Variants in PCDHGA2 observed in about 807,000 individuals in gnomAD.
The protein encoded by PCDHGA2 is protocadherin gamma subfamily A, 2, also known as protocadherin gamma-A2.
In PCDHGA2, 40 loss-of-function variants were observed where a neutral mutation model predicts 59.2. The ratio of observed to expected loss-of-function variants is 0.68; its 90% CI spans 0.52 to 0.88. The LOEUF is 0.88. Ranked by LOEUF, PCDHGA2 falls within the 40% of genes least tolerant of loss-of-function variation. The probability of loss-of-function intolerance (pLI) is 0.00; values close to 1 mark genes in which losing one functional copy is unlikely to be tolerated. For missense variants in PCDHGA2, 1,226 were observed against 1,204.0 expected (o/e 1.02, Z -0.27); for synonymous variants, 560 against 526.0 (o/e 1.06, Z -0.89).
rs2099698809 is a variant in PCDHGA2 at position 141,490,343 on chromosome 5, T to C, written c.2425-4464T>C. On this transcript the variant is annotated intron_variant, in intron 1 of 3. Transcript: ENST00000394576. This position sits in a 1 kb window ranked among gnomAD's most constrained non-coding sequence, Gnocchi z 5.4. ...CTAGAGAGCACACCAGTGGGCACAG[T>C]AGTGGGGTTGTTTAATGTGCGAGAC... The C allele has an allele frequency of 6.2e-7, 1 of 1,614,018 alleles. No individual in the cohort carries two copies. Among genetic ancestry groups the C allele is most frequent in the Admixed American group, 1.7e-5 (1 of 60,006 alleles).
chr5:141,368,590 A>G (rs914366988), intron 1 of PCDHGA2, among the ~76,000 whole-genome samples: 8 of 152,142 alleles, frequency 5.3e-5, no homozygotes, highest in African/African-American at 9.7e-5. Context: ...GGTGTTTGGG[A>G]AAAAAGTAAA....
At position 141,341,242 on chromosome 5, in the gene PCDHGA2, C is replaced by T. The variant is rs1422024298; in HGVS notation, c.2271C>T (p.Val757=). The change falls in exon 1 of 4, where the codon GTC becomes GTT. Residue 757 remains valine (V), a synonymous_variant. Coordinates refer to ENST00000394576, the MANE Select transcript of PCDHGA2 (RefSeq NM_018915.4). ...TCCTGCAGACCTATTCCCACGAGGT[C>T]TCCCTCACTGCGGACTCGCGGAAGA... ...RAFLQTYSHE[V]SLTADSRKSH... is the part of the protein sequence containing the mutation. 6.2e-7 allele frequency: 1 copy of T among 1,614,250 alleles called. No homozygotes were observed. The highest frequency in any genetic ancestry group is 8.5e-7 in the Non-Finnish European group (1 of 1,180,054).
At position 141,371,642 on chromosome 5, in the gene PCDHGA2, A is replaced by G. The variant is rs774578258; in HGVS notation, c.2424+30247A>G. 5.0e-6 allele frequency: 8 copies of G among 1,613,946 alleles called. No individual in the cohort carries two copies. In the Admixed American group the frequency reaches 5.0e-5, roughly 10 times the overall value. ...GAGCCCTGGACCGGGAGCAGATCCC[A>G]GAATACAATGTGACGATCACAGCTA... On this transcript the variant is annotated intron_variant, in intron 1 of 3. Coordinates refer to ENST00000394576, the MANE Select transcript of PCDHGA2 (RefSeq NM_018915.4).
chr5:141,423,116 C>T (rs374000303), intron 1 of PCDHGA2: 210 of 1,613,682 alleles, frequency 1.3e-4, no homozygotes, highest in Middle Eastern at 4.9e-4. Context: ...GTGCGTACAG[C>T]GCGGGCACTG....
rs752730619 is a variant in PCDHGA2, at chr5:141,374,101, G to T, written c.2424+32706G>T. On this transcript the variant is annotated intron_variant, in intron 1 of 3. Coordinates refer to ENST00000394576, the MANE Select transcript of PCDHGA2 (RefSeq NM_018915.4). Reference sequence around the variant, plus strand: ...AGCCAGTAATGGCGCCTCCGCAGAGGCATCCGCAGCGCAGCGAGCAGGTCC... The same window carrying T: ...AGCCAGTAATGGCGCCTCCGCAGAGTCATCCGCAGCGCAGCGAGCAGGTCC... 2 of 1,565,390 alleles carry T rather than the reference G, an allele frequency of 1.3e-6. No individual in the cohort carries two copies. The highest frequency in any genetic ancestry group is 1.7e-6 in the Non-Finnish European group (2 of 1,154,124).
intron 1 of PCDHGA2, chr5:141,350,978 A>C (rs1464156311): frequency 1.2e-6 from 2 of 1,613,956 alleles, no homozygotes; most frequent in Non-Finnish European, 8.5e-7. Context: ...TCCCGTGTTT[A>C]GCCAGGAGGT....
chr5:141,370,143 C>G (rs931664549), intron 1 of PCDHGA2: 1 of 431,310 alleles, frequency 2.3e-6, no homozygotes, highest in African/African-American at 2.0e-5. Context: ...ATTTAGTCAC[C>G]ATTACTGCAG....
intron 1 of PCDHGA2, among the ~76,000 whole-genome samples, chr5:141,348,139 A>G (rs1262874286): frequency 6.6e-6 from 1 of 152,262 alleles, no homozygotes; most frequent in Non-Finnish European, 1.5e-5. Context: ...ATGAAATCAT[A>G]TGAGAGTTAT....
In PCDHGA2 at chr5:141,476,229, C is replaced by T; in HGVS notation, c.2425-18578C>T. ...TCCACGGTCATTCACTATGAGATCC[C>T]GGAGGAAAGAGAGAAGGGTTTCGCT... On this transcript the variant is annotated intron_variant, in intron 1 of 3. Coordinates refer to ENST00000394576, the MANE Select transcript of PCDHGA2 (RefSeq NM_018915.4). The surrounding 1 kb of genome is among the most constrained non-coding windows in gnomAD (Gnocchi z 7.6). 1 of 1,613,872 alleles carries T rather than the reference C, an allele frequency of 6.2e-7. No individual in the cohort carries two copies. The highest frequency in any genetic ancestry group is 2.2e-5 in the East Asian group (1 of 44,822).
At position 141,368,797 on chromosome 5, in the gene PCDHGA2, A is replaced by G. The variant is rs560030013; in HGVS notation, c.2424+27402A>G. On this transcript the variant is annotated intron_variant, in intron 1 of 3. Coordinates refer to ENST00000394576, the MANE Select transcript of PCDHGA2 (RefSeq NM_018915.4). ...TGTGTTCTGAAGAATAATTTTTCAT[A>G]CTAATTGAAGTGTTCATACAATGAA... Among the ~76,000 whole-genome samples, 8 of 152,330 alleles carry G rather than the reference A, an allele frequency of 5.3e-5. No individual in the cohort carries two copies. The South Asian group carries it at 1.7e-3, about 32-fold the overall frequency.
chr5:141,374,773 A>T (rs192855761), intron 1 of PCDHGA2: 9 of 1,613,812 alleles, frequency 5.6e-6, no homozygotes, highest in Middle Eastern at 1.6e-4. Context: ...AAATTCTGGT[A>T]ACAGTTCTAG....
intron 1 of PCDHGA2, chr5:141,371,391 G>A (rs1356149825): frequency 6.2e-7 from 1 of 1,614,004 alleles, no homozygotes; most frequent in Admixed American, 1.7e-5. Flanking sequence ...ATATTGTAAA[G>A]TACAGATAGA....
At chr5:141,367,544 A>G (rs976258516) in intron 1 of PCDHGA2, 78 of 146,054 alleles carry the variant, frequency 5.3e-4, no homozygotes, top group African/African-American at 1.8e-3. Context: ...CTCAAAATAA[A>G]TAAATAAATA....
intron 1 of PCDHGA2, chr5:141,414,389 A>G: frequency 1.9e-6 from 3 of 1,613,926 alleles, no homozygotes; most frequent in African/African-American, 2.7e-5. Context: ...ATTGACAGTT[A>G]TTACAGATTG....
Position 141,403,685 on chromosome 5 carries a change from C to G in PCDHGA2, c.2424+62290C>G, listed in dbSNP as rs778849334. On this transcript the variant is annotated intron_variant, in intron 1 of 3. Coordinates refer to ENST00000394576, the MANE Select transcript of PCDHGA2 (RefSeq NM_018915.4). ...TGATAATGCCCCGGTTTTTGCTCAA[C>G]GGATTTACCGAGTTAAAGTCCTTGA... 8 of 1,613,704 alleles carry G rather than the reference C, an allele frequency of 5.0e-6. No homozygotes were observed. In the Admixed American group the frequency reaches 1.0e-4, roughly 20 times the overall value.
At chr5:141,347,519 G>A (rs1386331120) in intron 1 of PCDHGA2, among the ~76,000 whole-genome samples, 1 of 152,132 alleles carries the variant, frequency 6.6e-6, no homozygotes, top group Non-Finnish European at 1.5e-5. Context: ...TGGGTGCAGT[G>A]GCTCATGCTG....
intron 1 of PCDHGA2, chr5:141,374,349 G>A: frequency 1.2e-6 from 2 of 1,614,042 alleles, no homozygotes; most frequent in Non-Finnish European, 1.7e-6. Context: ...ACCGCGGGTA[G>A]GATAGACCGC....
chr5:141,352,198 A>T (rs1201053334), intron 1 of PCDHGA2: 1 of 1,613,830 alleles, frequency 6.2e-7, no homozygotes, highest in Non-Finnish European at 8.5e-7. Context: ...GTGATGGAGG[A>T]CAGCCGCCAC....
intron 1 of PCDHGA2, chr5:141,410,998 T>C: frequency 5.8e-6 from 1 of 173,396 alleles, no homozygotes; most frequent in South Asian, 1.4e-4. Context: ...GGATTACTGG[T>C]GCCCCTCACC....
Sources: gnomAD v4.1 joint callset for allele counts (sites outside exome capture counted in the v4.1 genomes callset) on GRCh38, gnomAD v4.1.1 for gene constraint, Gnocchi (gnomAD v3.1) non-coding constraint, MANE v1.5 for transcripts, NCBI Gene and HGNC (gene_info 2026-07-23, HGNC 2026-07-21) for gene names.